Variants in CD84 observed in about 807,000 individuals in gnomAD.
CD84 encodes SLAM family member 5.
CD84 carries 22 observed loss-of-function variants against 33.8 expected under a neutral mutation model. The observed-to-expected ratio is 0.65, with a 90% CI of 0.46 to 0.93. The LOEUF is 0.93. Ranked by LOEUF, CD84 falls within the 40% of genes least tolerant of loss-of-function variation. CD84 has a pLI of 0.00. For synonymous variants in CD84, 154 were observed against 145.2 expected (o/e 1.06, Z -0.44); for missense variants, 400 against 397.6 (o/e 1.01, Z -0.05).
intron 1 of CD84, among the ~76,000 whole-genome samples, chr1:160,570,082 G>A (rs1416728880): frequency 6.6e-6 from 1 of 152,142 alleles, no homozygotes; most frequent in Non-Finnish European, 1.5e-5. Flanking sequence ...ACCAGGGGAC[G>A]ATAATGGGAA....
chr1:160,542,518 A>T lies in CD84; in HGVS notation c.*5738T>A, dbSNP rs930262708. On this transcript the variant is annotated 3_prime_UTR_variant, in exon 7 of 7. Transcript: ENST00000368054. ...ACAAGTTGTAAATGAAAGAGTTGAG[A>T]TTATGAGCATTTAAAAATTCTCTGA... is the stretch of plus-strand genomic sequence containing the variant. The T allele has an allele frequency of 3.3e-5, 5 of 152,204 alleles. No individual in the cohort carries two copies. The highest frequency in any genetic ancestry group is 7.3e-5 in the Non-Finnish European group (5 of 68,032). 9.4% of individuals were successfully genotyped at this position (152,204 alleles called of 1,614,324 possible).
intron 2 of CD84, among the ~76,000 whole-genome samples, chr1:160,554,809 T>C (rs1186602730): frequency 6.6e-6 from 1 of 151,892 alleles, no homozygotes; most frequent in East Asian, 1.9e-4. Context: ...TATAAGCTGA[T>C]TAGGGATATA....
intron 1 of CD84, among the ~76,000 whole-genome samples, chr1:160,574,665 T>C (rs1484664757): frequency 1.3e-5 from 2 of 152,132 alleles, no homozygotes; most frequent in Admixed American, 1.3e-4. Context: ...CACTGAGGCC[T>C]AGCCTGCCTG....
intron 3 of CD84, 175 bp downstream of exon 3, chr1:160,553,720 T>C (rs1571352415): frequency 9.3e-7 from 1 of 1,073,582 alleles, no homozygotes; most frequent in East Asian, 2.6e-5. Context: ...GTCTAGCATC[T>C]CTCAGAAGGC....
chr1:160,552,019 G>C (rs891461741), intron 4 of CD84, among the ~76,000 whole-genome samples: 2 of 152,136 alleles, frequency 1.3e-5, no homozygotes, highest in Non-Finnish European at 2.9e-5. Context: ...ACATTTTAGG[G>C]TCAAGGTGAA....
At position 160,579,390 on chromosome 1, in the gene CD84, A is replaced by T; in HGVS notation, c.46+2T>A. ...AGGCGATCAGCAAGGGTCAGAACTCACAGGTTTGCAGGCAAAGGAGCAAGA... is the reference window on the plus strand; with the variant it reads ...AGGCGATCAGCAAGGGTCAGAACTCTCAGGTTTGCAGGCAAAGGAGCAAGA... On this transcript the variant is annotated splice_donor_variant, in intron 1 of 6. Coordinates refer to ENST00000368054, the MANE Select transcript of CD84 (RefSeq NM_003874.4). LOFTEE classifies it high-confidence loss of function. 1.2e-6 allele frequency: 2 copies of T among 1,613,192 alleles called. No individual in the cohort carries two copies. Among genetic ancestry groups the T allele is most frequent in the Non-Finnish European group, 1.7e-6 (2 of 1,179,372 alleles).
At chr1:160,556,293 G>T (rs892284397) in intron 2 of CD84, among the ~76,000 whole-genome samples, 1 of 152,184 alleles carries the variant, frequency 6.6e-6, no homozygotes, top group South Asian at 2.1e-4. Context: ...CTGGAGACCT[G>T]GTTCAGAATC....
At chr1:160,553,874 G>A (rs267598122) in intron 3 of CD84, 21 bp downstream of exon 3, 1 of 1,614,016 alleles carries the variant, frequency 6.2e-7, no homozygotes, top group South Asian at 1.1e-5. Flanking sequence ...CTCACCAGGA[G>A]AGATGGGCAG....
At position 160,544,612 on chromosome 1, in the gene CD84, T is replaced by G. The variant is rs977044575; in HGVS notation, c.*3644A>C. On this transcript the variant is annotated 3_prime_UTR_variant, in exon 7 of 7. Coordinates refer to ENST00000368054, the MANE Select transcript of CD84 (RefSeq NM_003874.4). ...CAGGCAGGACCTAAGAAGTGCTCTC[T>G]GTGGACACGGCCCAAACCAGACAGG... is the stretch of plus-strand genomic sequence containing the variant. The G allele has an allele frequency of 1.3e-5, 2 of 152,160 alleles. No individual in the cohort carries two copies. The highest frequency in any genetic ancestry group is 1.3e-4 in the Admixed American group (2 of 15,266). The allele number at this position is 152,160 out of a possible 1,614,324, so 9.4% of individuals were successfully genotyped here. A position where few individuals can be genotyped will look rare whatever the true frequency, so the allele number is the denominator to read the frequency against.
rs1553230426 is a variant in CD84 at position 160,543,624 on chromosome 1, T to TTATTATTA, written c.*4631_*4632insTAATAATA. On this transcript the variant is annotated 3_prime_UTR_variant, in exon 7 of 7. Transcript: ENST00000368054. ...TTATTTATTATTATTATTATTATTA[T>TTATTATTA]TATTATTTAGGTATATCCCCTGTTC... The TTATTATTA allele has an allele frequency of 3.4e-5, 5 of 148,364 alleles. No individual in the cohort carries two copies. In the South Asian group the frequency reaches 1.1e-3, roughly 31 times the overall value. The allele number at this position is 148,364 out of a possible 1,614,324, so 9.2% of individuals were successfully genotyped here. A position where few individuals can be genotyped will look rare whatever the true frequency, so the allele number is the denominator to read the frequency against.
chr1:160,574,173 T>A (rs1290056974), intron 1 of CD84, among the ~76,000 whole-genome samples: 1 of 147,332 alleles, frequency 6.8e-6, no homozygotes, highest in Non-Finnish European at 1.5e-5. Flanking sequence ...TTTCCAACAA[T>A]AGAAAAACAA....
At chr1:160,549,870 G>C in intron 6 of CD84, 47 bp downstream of exon 6, 1 of 1,408,576 alleles carries the variant, frequency 7.1e-7, no homozygotes, top group Non-Finnish European at 1.0e-6. Flanking sequence ...CACCAGAATG[G>C]CTGGAAGAGT....
intron 1 of CD84, among the ~76,000 whole-genome samples, chr1:160,572,085 A>G (rs1657728963): frequency 6.6e-6 from 1 of 152,238 alleles, no homozygotes; most frequent in Non-Finnish European, 1.5e-5. Flanking sequence ...TTGGTGAAGT[A>G]GAGTGAGCAT....
At chr1:160,558,399 A>G (rs1656747375) in intron 2 of CD84, among the ~76,000 whole-genome samples, 2 of 152,200 alleles carry the variant, frequency 1.3e-5, no homozygotes, top group South Asian at 4.1e-4. Context: ...CCCACAGAAG[A>G]GTAGCCTGAC....
rs1218221953 is a variant in CD84 at position 160,545,987 on chromosome 1, TATC to T, written c.*2266_*2268del. 1.7e-5 allele frequency: 2 copies of T among 117,058 alleles called. No homozygotes were observed. The highest frequency in any genetic ancestry group is 4.1e-5 in the Non-Finnish European group (2 of 48,444). 7.3% of individuals were successfully genotyped at this position (117,058 alleles called of 1,614,324 possible). A position where few individuals can be genotyped will look rare whatever the true frequency, so the allele number is the denominator to read the frequency against. On this transcript the variant is annotated 3_prime_UTR_variant, in exon 7 of 7. Transcript: ENST00000368054. ...TGATTGCACCATGCTTATTGGCTTC[TATC>T]TTTTTTTTTTTTTCGAGATGGAGTC...
chr1:160,564,015 G>T (rs1657162784), intron 2 of CD84, among the ~76,000 whole-genome samples: 1 of 152,116 alleles, frequency 6.6e-6, no homozygotes, highest in Non-Finnish European at 1.5e-5. Flanking sequence ...ATTCACAAAG[G>T]TCAGGGGGAG....
In CD84 at chr1:160,548,116, T is replaced by C; in HGVS notation, c.*140A>G. On this transcript the variant is annotated 3_prime_UTR_variant, in exon 7 of 7. Coordinates refer to ENST00000368054, the MANE Select transcript of CD84 (RefSeq NM_003874.4). ...GCACAAGCTATGCCCAGCAGAAGGT[T>C]TCCTGCTTTGCTTACAGGCTGAGAT... 1 of 830,704 alleles carries C rather than the reference T, an allele frequency of 1.2e-6. No individual in the cohort carries two copies. Among genetic ancestry groups the C allele is most frequent in the Non-Finnish European group, 2.0e-6 (1 of 506,736 alleles). 51.5% of individuals were successfully genotyped at this position (830,704 alleles called of 1,614,324 possible).
At position 160,543,388 on chromosome 1, in the gene CD84, CTT is replaced by C. The variant is rs1655645086; in HGVS notation, c.*4866_*4867del. 6.6e-6 allele frequency: 1 copy of C among 152,080 alleles called. No individual in the cohort carries two copies. Among genetic ancestry groups the C allele is most frequent in the Admixed American group, 6.6e-5 (1 of 15,262 alleles). The allele number at this position is 152,080 out of a possible 1,614,324, so 9.4% of individuals were successfully genotyped here. On this transcript the variant is annotated 3_prime_UTR_variant, in exon 7 of 7. Transcript: ENST00000368054. ...TGCATGGCCCTTGGTGACAAGAAGT[CTT>C]GAATTCAAATACTGTCTTCCCAGCT...
chr1:160,551,814 G>T (rs1389752581), intron 4 of CD84, among the ~76,000 whole-genome samples: 1 of 152,142 alleles, frequency 6.6e-6, no homozygotes, highest in East Asian at 1.9e-4. Context: ...CAAAGCGCTG[G>T]GATTACAGGC....
Sources: allele counts gnomAD v4.1 joint callset (sites outside exome capture counted in the v4.1 genomes callset), GRCh38; gene constraint gnomAD v4.1.1; transcripts MANE v1.5; gene names NCBI Gene and HGNC (gene_info 2026-07-23, HGNC 2026-07-21).